The following LRRTM4 variants were observed in gnomAD, a reference collection of about 807,000 sequenced individuals.
LRRTM4 encodes leucine rich repeat transmembrane neuronal 4.
In LRRTM4, 25 loss-of-function variants were observed where a neutral mutation model predicts 47.6. That is an observed-to-expected ratio of 0.53 (90% confidence interval 0.38 to 0.73). The LOEUF (loss-of-function observed/expected upper bound fraction) is 0.73, where lower values mean the gene tolerates loss of function less well. LRRTM4 is among the 30% of genes least tolerant of loss of function. The pLI is 0.00. For missense variants in LRRTM4, 638 were observed against 713.4 expected, an observed-to-expected ratio of 0.89 and a Z score of 1.20; for synonymous variants, 311 against 269.5, an observed-to-expected ratio of 1.15 and a Z score of -1.51.
At chr2:76,749,867 TTGA>T (rs1558631121) in intron 3 of LRRTM4, among the ~76,000 whole-genome samples, 2 of 152,346 alleles carry the variant, frequency 1.3e-5, no homozygotes, top group East Asian at 3.9e-4. Context: ...TTTGACACTC[TTGA>T]TGAACAATCC....
chr2:76,990,986 C>A (rs1021979659), intron 3 of LRRTM4, among the ~76,000 whole-genome samples: 2 of 151,578 alleles, frequency 1.3e-5, no homozygotes, highest in African/African-American at 4.8e-5. Flanking sequence ...AAATCAATAA[C>A]AAGAAGATCT....
At chr2:77,029,958 T>G (rs1678596171) in intron 3 of LRRTM4, among the ~76,000 whole-genome samples, 1 of 152,032 alleles carries the variant, frequency 6.6e-6, no homozygotes, top group South Asian at 2.1e-4. Context: ...AACAAATAAT[T>G]CAAGAGCTAT....
intron 3 of LRRTM4, among the ~76,000 whole-genome samples, chr2:77,074,219 A>G (rs966849470): frequency 1.2e-4 from 18 of 152,196 alleles, no homozygotes; most frequent in Admixed American, 1.1e-3. Context: ...TATACTTGTT[A>G]TAACATAGAT....
chr2:76,787,960 A>G (rs1479125304), intron 3 of LRRTM4, among the ~76,000 whole-genome samples: 1 of 152,152 alleles, frequency 6.6e-6, no homozygotes, highest in Non-Finnish European at 1.5e-5. Flanking sequence ...TGTCTGTATG[A>G]TATTAATGAT....
intron 3 of LRRTM4, among the ~76,000 whole-genome samples, chr2:76,818,203 A>T (rs1670956069): frequency 6.6e-6 from 1 of 151,952 alleles, no homozygotes; most frequent in Non-Finnish European, 1.5e-5. Context: ...AAGACAGAGT[A>T]AATTGACTAT....
chr2:76,874,012 C>A (rs1672711139), intron 3 of LRRTM4, among the ~76,000 whole-genome samples: 1 of 151,766 alleles, frequency 6.6e-6, no homozygotes, highest in Non-Finnish European at 1.5e-5. Context: ...AAAAAAAGTT[C>A]TTGATAGCAA....
intron 3 of LRRTM4, among the ~76,000 whole-genome samples, chr2:76,817,811 T>C (rs1670942768): frequency 6.6e-6 from 1 of 151,932 alleles, no homozygotes; most frequent in Non-Finnish European, 1.5e-5. Context: ...CGTTAACGAA[T>C]CTGGGCTGCA....
intron 3 of LRRTM4, among the ~76,000 whole-genome samples, chr2:77,314,030 G>A (rs1373537277): frequency 1.3e-5 from 2 of 152,132 alleles, no homozygotes; most frequent in East Asian, 3.9e-4. Flanking sequence ...AGTTTGTAAT[G>A]CAACTTACAA....
intron 3 of LRRTM4, among the ~76,000 whole-genome samples, chr2:77,453,030 T>G (rs1676322495): frequency 6.6e-6 from 1 of 152,186 alleles, no homozygotes; most frequent in Non-Finnish European, 1.5e-5. Context: ...TGATAAAGGG[T>G]AGAAAGTTTA....
At chr2:77,138,860 C>G (rs752728612) in intron 3 of LRRTM4, among the ~76,000 whole-genome samples, 1 of 152,082 alleles carries the variant, frequency 6.6e-6, no homozygotes, top group Non-Finnish European at 1.5e-5. Context: ...TGCAAATAAA[C>G]TAGAAAATCT....
intron 3 of LRRTM4, among the ~76,000 whole-genome samples, chr2:76,909,247 G>A (rs1029491822): frequency 2.6e-5 from 4 of 152,164 alleles, no homozygotes; most frequent in African/African-American, 9.7e-5. Flanking sequence ...ATGGGGAAAG[G>A]ATTCCCTGTC....
At chr2:76,787,085 G>C (rs1478733327) in intron 3 of LRRTM4, among the ~76,000 whole-genome samples, 1 of 151,914 alleles carries the variant, frequency 6.6e-6, no homozygotes, top group Non-Finnish European at 1.5e-5. Context: ...TTAATATCTG[G>C]AGAAAGACAA....
At chr2:77,426,831 GCA>G (rs70956630) in intron 3 of LRRTM4, among the ~76,000 whole-genome samples, 48,119 of 147,160 alleles carry the variant, frequency 0.33, 7,763 homozygotes, top group Non-Finnish European at 0.37. Flanking sequence ...ACACACACAT[GCA>G]CACACACACA....
At chr2:77,047,792 A>T (rs567649941) in intron 3 of LRRTM4, among the ~76,000 whole-genome samples, 1 of 152,046 alleles carries the variant, frequency 6.6e-6, no homozygotes, top group African/African-American at 2.4e-5. Context: ...ACAAATTTCA[A>T]CTCATAACAT....
intron 3 of LRRTM4, among the ~76,000 whole-genome samples, chr2:77,478,785 C>T (rs1191404062): frequency 6.6e-6 from 1 of 152,130 alleles, no homozygotes; most frequent in African/African-American, 2.4e-5. Flanking sequence ...CTATAATTGC[C>T]ACAGATGTAT....
chr2:76,808,407 T>C (rs1670626731), intron 3 of LRRTM4, among the ~76,000 whole-genome samples: 1 of 151,250 alleles, frequency 6.6e-6, no homozygotes, highest in Non-Finnish European at 1.5e-5. Flanking sequence ...TAAAAATATT[T>C]TCCAACTGCA....
chr2:76,782,235 C>T (rs1674435703), intron 3 of LRRTM4, among the ~76,000 whole-genome samples: 1 of 152,158 alleles, frequency 6.6e-6, no homozygotes, highest in Admixed American at 6.5e-5. Context: ...TCACAAATTT[C>T]CTTTCCTTTT....
chr2:76,808,037 C>CT lies in LRRTM4; in HGVS notation c.1552-59122dup, dbSNP rs563256374. 3.8e-5 allele frequency among the ~76,000 whole-genome samples: 5 copies of CT among 130,762 alleles called. No individual in the cohort carries two copies. The South Asian group carries it at 1.2e-3, about 32-fold the overall frequency. The allele number at this position is 130,762 out of a possible 152,430, so 85.8% of individuals were successfully genotyped here. A position where few individuals can be genotyped will look rare whatever the true frequency, so the allele number is the denominator to read the frequency against. ...CCTTCCTTCCTTCCTCTTTTCTTTT[C>CT]TTTCTTGTTTTGCTCTTGTTGCCCA... On this transcript the variant is annotated intron_variant, in intron 3 of 3. Transcript: ENST00000409884.
intron 3 of LRRTM4, among the ~76,000 whole-genome samples, chr2:76,791,705 C>G (rs1345240510): frequency 2.0e-5 from 3 of 152,182 alleles, no homozygotes; most frequent in Non-Finnish European, 4.4e-5. Context: ...AGAAATGCCA[C>G]AGTGCAAACT....
Sources: allele counts gnomAD v4.1 joint callset (sites outside exome capture counted in the v4.1 genomes callset), GRCh38; gene constraint gnomAD v4.1.1; transcripts MANE v1.5; gene names NCBI Gene and HGNC (gene_info 2026-07-23, HGNC 2026-07-21).